Variants in EVI5 observed in about 807,000 individuals in gnomAD.
EVI5 encodes the protein ecotropic viral integration site 5 protein homolog.
In EVI5, 73 loss-of-function variants were observed where a neutral mutation model predicts 112.0. The ratio of observed to expected loss-of-function variants is 0.65; its 90% CI spans 0.54 to 0.79. The LOEUF is 0.79. Ranked by LOEUF, EVI5 falls within the 30% of genes least tolerant of loss-of-function variation. The pLI is 0.00. For missense variants in EVI5, 900 were observed against 968.8 expected, an observed-to-expected ratio of 0.93 and a Z score of 0.94; for synonymous variants, 305 against 319.9, an observed-to-expected ratio of 0.95 and a Z score of 0.50.
chr1:92,693,225 G>A (rs1669777145), intron 9 of EVI5, among the ~76,000 whole-genome samples: 1 of 151,828 alleles, frequency 6.6e-6, no homozygotes, highest in African/African-American at 2.4e-5. Flanking sequence ...ATGGTGGTGT[G>A]CGCCTGTAGT....
At chr1:92,533,243 G>C (rs1663221082) in intron 19 of EVI5, among the ~76,000 whole-genome samples, 1 of 152,100 alleles carries the variant, frequency 6.6e-6, no homozygotes, top group Admixed American at 6.6e-5. Context: ...GCAGGAAGAA[G>C]TTGAATCCCT....
At chr1:92,653,267 G>A (rs776930392) in intron 13 of EVI5, among the ~76,000 whole-genome samples, 1 of 152,184 alleles carries the variant, frequency 6.6e-6, no homozygotes, top group Non-Finnish European at 1.5e-5. Flanking sequence ...GGGATGGCTG[G>A]ACCCAGGGAG....
rs1316867963 is a variant in EVI5 at position 92,513,551 on chromosome 1, ATATATATATATATATG to A, written c.*89_*104del. 7.0e-3 allele frequency: 88 copies of A among 12,502 alleles called. 2 individuals carry two copies. The African/African-American group carries it at 0.077, about 11-fold the overall frequency. The allele number at this position is 12,502 out of a possible 1,614,324, so 0.8% of individuals were successfully genotyped here. A position where few individuals can be genotyped will look rare whatever the true frequency, so the allele number is the denominator to read the frequency against. The stretch of plus-strand genomic sequence containing the variant: ...TATATATATATATATATATATATAT[ATATATATATATATATG>A]TACATATGAAACAAATTATTTCCAA... On this transcript the variant is annotated 3_prime_UTR_variant, in exon 20 of 20. Transcript: ENST00000684568.
intron 19 of EVI5, among the ~76,000 whole-genome samples, chr1:92,547,099 T>C (rs138913044): frequency 7.9e-5 from 12 of 152,288 alleles, no homozygotes; most frequent in Admixed American, 2.0e-4. Flanking sequence ...TAGTTGGAAC[T>C]AAAGCACTCC....
chr1:92,737,183 A>T (rs191994597), intron 1 of EVI5, among the ~76,000 whole-genome samples: 1 of 152,088 alleles, frequency 6.6e-6, no homozygotes. Flanking sequence ...ACCACTAAAG[A>T]GTGTTGTTAT....
Position 92,547,594 on chromosome 1 carries a change from C to T in EVI5, c.2166+16048G>A, listed in dbSNP as rs565263118. Among the ~76,000 whole-genome samples the T allele has an allele frequency of 8.7e-4, 132 of 151,960 alleles. 1 individual carries two copies. Among genetic ancestry groups the T allele is most frequent in the African/African-American group, 2.9e-3 (122 of 41,458 alleles). On this transcript the variant is annotated intron_variant, in intron 19 of 19. Coordinates refer to ENST00000684568, the MANE Select transcript of EVI5 (RefSeq NM_001350197.2). ...GAAAGGATCAACAAAATAGATAGAC[C>T]GCTAGCAAGACTAATAAAGAAGAAA...
intron 2 of EVI5, chr1:92,732,145 A>G (rs1467291790): frequency 5.5e-6 from 1 of 180,612 alleles, no homozygotes; most frequent in African/African-American, 2.4e-5. Flanking sequence ...TTGTCCTGAG[A>G]TGACTGTAAT....
At chr1:92,769,285 A>G (rs1350124159) in intron 1 of EVI5, among the ~76,000 whole-genome samples, 5 of 152,244 alleles carry the variant, frequency 3.3e-5, no homozygotes, top group African/African-American at 1.2e-4. Flanking sequence ...ACAGTTAACA[A>G]TATGGTATAT....
At chr1:92,644,366 T>C (rs1228103409) in intron 13 of EVI5, among the ~76,000 whole-genome samples, 2 of 152,226 alleles carry the variant, frequency 1.3e-5, no homozygotes, top group Admixed American at 6.5e-5. Context: ...GGGCCACACC[T>C]GTAAAAAGTT....
intron 1 of EVI5, among the ~76,000 whole-genome samples, chr1:92,741,194 A>G (rs766055144): frequency 2.0e-5 from 3 of 152,248 alleles, no homozygotes; most frequent in Non-Finnish European, 4.4e-5. Flanking sequence ...ATGCTATACA[A>G]CTTACATAAG....
At chr1:92,759,150 G>A (rs1472459847) in intron 1 of EVI5, among the ~76,000 whole-genome samples, 1 of 152,202 alleles carries the variant, frequency 6.6e-6, no homozygotes, top group East Asian at 1.9e-4. Flanking sequence ...TTGAGCTCAG[G>A]GGGCAGAGGT....
At chr1:92,707,491 G>T (rs1008766594) in intron 2 of EVI5, among the ~76,000 whole-genome samples, 4 of 152,024 alleles carry the variant, frequency 2.6e-5, no homozygotes, top group African/African-American at 9.7e-5. Context: ...TTTAAAAAAT[G>T]AGTAAGAGAC....
At chr1:92,688,565 C>G (rs957999728) in intron 9 of EVI5, among the ~76,000 whole-genome samples, 1 of 151,878 alleles carries the variant, frequency 6.6e-6, no homozygotes, top group Non-Finnish European at 1.5e-5. Context: ...TCCTTCCTTC[C>G]TTTAATAAAG....
intron 1 of EVI5, among the ~76,000 whole-genome samples, chr1:92,738,918 T>C (rs1677887489): frequency 6.6e-6 from 1 of 151,984 alleles, no homozygotes; most frequent in Non-Finnish European, 1.5e-5. Context: ...AATCTGACAA[T>C]GTAAATATGT....
chr1:92,521,433 G>A (rs1480136635), intron 19 of EVI5, among the ~76,000 whole-genome samples: 2 of 152,208 alleles, frequency 1.3e-5, no homozygotes, highest in Non-Finnish European at 2.9e-5. Context: ...GCTCACGCCT[G>A]TAATCCCAGC....
rs146737060 is a variant in EVI5, at chr1:92,751,128, C to T, written c.-81-14501G>A. Among the ~76,000 whole-genome samples the T allele has an allele frequency of 3.8e-3, 571 of 152,000 alleles. 1 individual carries two copies. The highest frequency in any genetic ancestry group is 5.3e-3 in the African/African-American group (221 of 41,442). On this transcript the variant is annotated intron_variant, in intron 1 of 19. Coordinates refer to ENST00000684568, the MANE Select transcript of EVI5 (RefSeq NM_001350197.2). Reference sequence around the variant, plus strand: ...TCGCACCACTGCACTGTAGCCTGAGCGACAGAACAAGACTCCCTCTCAAAA... The same window carrying T: ...TCGCACCACTGCACTGTAGCCTGAGTGACAGAACAAGACTCCCTCTCAAAA...
At chr1:92,713,210 AT>A (rs1159300933) in intron 2 of EVI5, among the ~76,000 whole-genome samples, 1 of 151,950 alleles carries the variant, frequency 6.6e-6, no homozygotes, top group Non-Finnish European at 1.5e-5. Context: ...AATCTAGTAC[AT>A]ATTTTACTCT....
At chr1:92,522,899 AG>A (rs1231207906) in intron 19 of EVI5, among the ~76,000 whole-genome samples, 2 of 152,140 alleles carry the variant, frequency 1.3e-5, no homozygotes, top group Admixed American at 1.3e-4. Context: ...CTAGGAATAC[AG>A]GAACACTCCA....
chr1:92,717,094 T>G (rs1198341364), intron 2 of EVI5, among the ~76,000 whole-genome samples: 1 of 152,094 alleles, frequency 6.6e-6, no homozygotes, highest in South Asian at 2.1e-4. Context: ...CTTAAATGAC[T>G]TGATGGAGCC....
Sources: gnomAD v4.1 joint callset for allele counts (sites outside exome capture counted in the v4.1 genomes callset) on GRCh38, gnomAD v4.1.1 for gene constraint, MANE v1.5 for transcripts, NCBI Gene and HGNC (gene_info 2026-07-23, HGNC 2026-07-21) for gene names.